Variants in CTTNBP2NL observed in about 807,000 individuals in gnomAD.
The protein encoded by CTTNBP2NL is CTTNBP2 N-terminal-like protein.
CTTNBP2NL carries 16 observed loss-of-function variants against 32.5 expected under a neutral mutation model. The observed-to-expected ratio is 0.49, with a 90% confidence interval of 0.33 to 0.75. The LOEUF is 0.75. CTTNBP2NL is among the 30% of genes least tolerant of loss of function. The probability of loss-of-function intolerance (pLI) is 0.02; values close to 1 mark genes in which losing one functional copy is unlikely to be tolerated. For synonymous variants in CTTNBP2NL, 298 were observed against 289.4 expected (o/e 1.03, Z -0.30); for missense variants, 645 against 756.0 (o/e 0.85, Z 1.72).
Position 112,457,436 on chromosome 1 carries a change from T to G in CTTNBP2NL, c.*24T>G, listed in dbSNP as rs760642456. On this transcript the variant is annotated 3_prime_UTR_variant, in exon 6 of 6. Transcript: ENST00000271277. ...AGTCCCTAGGAGGGAGTCTCCACGT[T>G]TGACATTCCATCAGATTTCGTCCAA... 2 of 1,570,380 alleles carry G rather than the reference T, an allele frequency of 1.3e-6. No individual in the cohort carries two copies. The highest frequency in any genetic ancestry group is 1.7e-6 in the Non-Finnish European group (2 of 1,158,390).
chr1:112,419,122 G>A (rs1043958305), intron 3 of CTTNBP2NL, among the ~76,000 whole-genome samples: 3 of 152,086 alleles, frequency 2.0e-5, no homozygotes, highest in African/African-American at 7.2e-5. Context: ...CATAAAATAG[G>A]GATATCCTCT....
upstream of CTTNBP2NL, among the ~76,000 whole-genome samples, chr1:112,392,848 ATT>A (rs35469510): frequency 3.3e-5 from 5 of 151,226 alleles, no homozygotes; most frequent in African/African-American, 1.2e-4. Flanking sequence ...CAACACCCTG[ATT>A]TTTTTTTGTT....
chr1:112,416,135 CT>C, intron 2 of CTTNBP2NL, 21 bp from the exon 3 acceptor site: 1 of 1,216,460 alleles, frequency 8.2e-7, no homozygotes, highest in Non-Finnish European at 1.2e-6. Context: ...TGGAGATTGT[CT>C]GATTGTTACC....
At chr1:112,415,017 A>G (rs935142987) in intron 2 of CTTNBP2NL, 1 of 151,998 alleles carries the variant, frequency 6.6e-6, no homozygotes, top group African/African-American at 2.4e-5. Flanking sequence ...GGGAGACCCC[A>G]TTTCTACAAA....
rs114518695 is a variant in CTTNBP2NL at position 112,424,038 on chromosome 1, T to C, written c.99+7774T>C. Among the ~76,000 whole-genome samples, 1,268 of 152,296 alleles carry C rather than the reference T, an allele frequency of 8.3e-3. 23 individuals carry two copies. The highest frequency in any genetic ancestry group is 0.029 in the African/African-American group (1,212 of 41,568). On this transcript the variant is annotated intron_variant, in intron 3 of 5. Transcript: ENST00000271277. Reference sequence around the variant, plus strand: ...GTGCCCAGCCTATCAATTTTTCTTTTATGGATTTTGTTTTTAATGTTATAT... The same window carrying C: ...GTGCCCAGCCTATCAATTTTTCTTTCATGGATTTTGTTTTTAATGTTATAT...
At chr1:112,450,256 T>A (rs540464087) in intron 4 of CTTNBP2NL, among the ~76,000 whole-genome samples, 2 of 152,308 alleles carry the variant, frequency 1.3e-5, no homozygotes, top group African/African-American at 4.8e-5. Flanking sequence ...AGAGTGGAAC[T>A]TCTTAACCAT....
chr1:112,397,385 TC>T (rs1468388184), intron 1 of CTTNBP2NL, among the ~76,000 whole-genome samples: 4 of 152,140 alleles, frequency 2.6e-5, no homozygotes, highest in Admixed American at 6.5e-5. Context: ...ATTAATCTAG[TC>T]CTATGTCCTT....
At chr1:112,449,211 T>G (rs1057281845) in intron 4 of CTTNBP2NL, 39 bp downstream of exon 4, 20 of 1,220,340 alleles carry the variant, frequency 1.6e-5, no homozygotes, top group Non-Finnish European at 2.3e-5. Context: ...CTTTGTGAAG[T>G]CTTTATAAAT....
rs775326352 is a variant in CTTNBP2NL at position 112,457,215 on chromosome 1, G to A, written c.1723G>A (p.Glu575Lys). The change falls in exon 6 of 6, where the codon GAG becomes AAG. Residue 575 changes from glutamate (E) to lysine (K), a missense_variant. By Grantham distance (56) the Glu-to-Lys change is moderately conservative (BLOSUM62 1). Transcript: ENST00000271277. ...GIKSPTIPRAERGNPPPIPPK... is the reference protein window; with the variant it reads ...GIKSPTIPRAKRGNPPPIPPK... ...CAAGTCCCCAACCATCCCCAGAGCTGAGAGAGGAAACCCTCCACCCATCCC... is the reference window on the plus strand; with the variant it reads ...CAAGTCCCCAACCATCCCCAGAGCTAAGAGAGGAAACCCTCCACCCATCCC... 5 of 1,614,090 alleles carry A rather than the reference G, an allele frequency of 3.1e-6. No individual in the cohort carries two copies. In the Admixed American group the frequency reaches 8.3e-5, roughly 27 times the overall value.
chr1:112,399,144 C>T (rs767806720), intron 1 of CTTNBP2NL, among the ~76,000 whole-genome samples: 3 of 151,144 alleles, frequency 2.0e-5, no homozygotes, highest in Non-Finnish European at 4.4e-5. Context: ...ATGATAAAAC[C>T]CCGTCTTTAT....
chr1:112,438,745 G>T (rs1376045507), intron 3 of CTTNBP2NL, among the ~76,000 whole-genome samples: 1 of 152,074 alleles, frequency 6.6e-6, no homozygotes, highest in East Asian at 1.9e-4. Context: ...CTTAGGTTGG[G>T]ATTACTTGGA....
intron 3 of CTTNBP2NL, among the ~76,000 whole-genome samples, chr1:112,421,484 G>A (rs1649230806): frequency 6.6e-6 from 1 of 150,752 alleles, no homozygotes; most frequent in African/African-American, 2.4e-5. Context: ...TGTATTTTTA[G>A]TAGAGATGGG....
chr1:112,436,003 C>G (rs1035786556), intron 3 of CTTNBP2NL, among the ~76,000 whole-genome samples: 1 of 149,632 alleles, frequency 6.7e-6, no homozygotes, highest in African/African-American at 2.5e-5. Context: ...CACAGATTCT[C>G]TATCTTTTAG....
At chr1:112,420,336 G>T (rs1031770188) in intron 3 of CTTNBP2NL, among the ~76,000 whole-genome samples, 1 of 151,506 alleles carries the variant, frequency 6.6e-6, no homozygotes, top group Non-Finnish European at 1.5e-5. Flanking sequence ...TATAGAGATG[G>T]GGTTTTACCG....
chr1:112,440,663 G>A (rs1423428747), intron 3 of CTTNBP2NL, among the ~76,000 whole-genome samples: 1 of 152,080 alleles, frequency 6.6e-6, no homozygotes, highest in Non-Finnish European at 1.5e-5. Flanking sequence ...AAAGTCCTGG[G>A]GATGTATTTC....
intron 3 of CTTNBP2NL, among the ~76,000 whole-genome samples, chr1:112,436,712 G>A (rs11102475): frequency 0.55 from 83,772 of 151,434 alleles, 24,260 homozygotes; most frequent in South Asian, 0.7. Flanking sequence ...GGTTTATTAT[G>A]TAGGTAAACT....
At chr1:112,412,002 G>C (rs1158932559) in intron 1 of CTTNBP2NL, among the ~76,000 whole-genome samples, 192 bp from the exon 2 acceptor site, 2 of 152,190 alleles carry the variant, frequency 1.3e-5, no homozygotes, top group Non-Finnish European at 2.9e-5. Context: ...AGTTGCAAAA[G>C]GGAAGTCAGA....
At chr1:112,395,966 G>A (rs1251767104), upstream of CTTNBP2NL, among the ~76,000 whole-genome samples, 1 of 152,254 alleles carries the variant, frequency 6.6e-6, no homozygotes, top group Non-Finnish European at 1.5e-5. Flanking sequence ...CGAGCCGGGA[G>A]GGGCGCGAGC....
intron 1 of CTTNBP2NL, among the ~76,000 whole-genome samples, chr1:112,406,607 A>G (rs1648675792): frequency 6.6e-6 from 1 of 152,232 alleles, no homozygotes; most frequent in Admixed American, 6.5e-5. Context: ...ATACCTGTAC[A>G]TGTCAAGTAC....
Sources: allele counts gnomAD v4.1 joint callset (sites outside exome capture counted in the v4.1 genomes callset), GRCh38; gene constraint gnomAD v4.1.1; transcripts MANE v1.5; gene names NCBI Gene and HGNC (gene_info 2026-07-23, HGNC 2026-07-21).